ACAD8: variants seen among roughly 807,000 people sequenced by gnomAD.
The protein encoded by ACAD8 is acyl-CoA dehydrogenase family member 8.
Under a neutral mutation model 53.1 loss-of-function variants are expected in ACAD8, and 47 were observed. The ratio of observed to expected loss-of-function variants is 0.89; its 90% CI spans 0.70 to 1.13. The LOEUF is 1.13. ACAD8 is among the 50% of genes most tolerant of loss of function. The pLI is 0.00. For missense variants in ACAD8, 494 were observed against 535.0 expected (o/e 0.92, Z 0.76); for synonymous variants, 198 against 201.3 (o/e 0.98, Z 0.14).
rs1455561083 is a variant in ACAD8, at chr11:134,257,026, C to T, written c.211-62C>T. 6 of 1,573,778 alleles carry T rather than the reference C, an allele frequency of 3.8e-6. No individual in the cohort carries two copies. The African/African-American group carries it at 5.4e-5, about 14-fold the overall frequency. ...CAAGCCTCCTAATCCCTCACTGTGC[C>T]CTCTAAAAGGAAGGCCGTCTCTGAA... On this transcript the variant is annotated intron_variant, in intron 2 of 10. Coordinates refer to ENST00000281182, the MANE Select transcript of ACAD8 (RefSeq NM_014384.3).
rs367586207 is a variant in ACAD8 at position 134,261,234 on chromosome 11, T to C, written c.842-41T>C. ...TAGCGGTCCGGGACAGGCACTGCTGTTTTCCAGCTTGGTTGGAACGTCGGC... is the reference window on the plus strand; with the variant it reads ...TAGCGGTCCGGGACAGGCACTGCTGCTTTCCAGCTTGGTTGGAACGTCGGC... On this transcript the variant is annotated intron_variant, in intron 7 of 10. Coordinates refer to ENST00000281182, the MANE Select transcript of ACAD8 (RefSeq NM_014384.3). The surrounding 1 kb of genome is among the most constrained non-coding windows in gnomAD (Gnocchi z 4.2). 4 of 1,614,046 alleles carry C rather than the reference T, an allele frequency of 2.5e-6. No individual in the cohort carries two copies. The highest frequency in any genetic ancestry group is 3.4e-6 in the Non-Finnish European group (4 of 1,179,996).
intron 1 of ACAD8, among the ~76,000 whole-genome samples, chr11:134,255,434 C>G (rs1190340939): frequency 1.3e-5 from 2 of 152,238 alleles, no homozygotes; most frequent in Non-Finnish European, 2.9e-5. Flanking sequence ...CTGCGCCTGG[C>G]TGGATCATAT....
At chr11:134,260,452 G>A (rs959232274) in intron 6 of ACAD8, 4 of 181,308 alleles carry the variant, frequency 2.2e-5, no homozygotes, top group Admixed American at 1.1e-4. Context: ...ACAGCTCCTC[G>A]GGTTTCTGTA....
chr11:134,261,148 G>A lies in ACAD8; in HGVS notation c.810G>A (p.Val270=). Residue 270 remains valine (V), a synonymous_variant, in exon 7 of 11, where the codon GTG becomes GTA. Transcript: ENST00000281182. This position sits in a 1 kb window ranked among gnomAD's most constrained non-coding sequence, Gnocchi z 4.2. ...GSEGQGFLIA[V]RGLNGGRINI... is the part of the protein sequence containing the mutation. ...AGGGGCAGGGCTTCCTCATTGCCGT[G>A]AGAGGACTGAACGGAGGGAGGATCA... The A allele has an allele frequency of 1.2e-6, 2 of 1,612,782 alleles. No individual in the cohort carries two copies. Among genetic ancestry groups the A allele is most frequent in the Non-Finnish European group, 8.5e-7 (1 of 1,179,540 alleles).
Position 134,257,135 on chromosome 11 carries a change from C to T in ACAD8, c.258C>T (p.Phe86=), listed in dbSNP as rs780073868. 46 of 1,614,122 alleles carry T rather than the reference C, an allele frequency of 2.8e-5. No individual in the cohort carries two copies. Among genetic ancestry groups the T allele is most frequent in the Middle Eastern group, 3.3e-4 (2 of 6,062 alleles). ...TGCGGAAGGCAGCCCAGCTAGGCTT[C>T]GGAGGGGTCTACATACAAACAGATG... ...DVMRKAAQLG[F]GGVYIQTDVG... Residue 86 remains phenylalanine (F), a synonymous_variant, in exon 3 of 11, where the codon TTC becomes TTT. Coordinates refer to ENST00000281182, the MANE Select transcript of ACAD8 (RefSeq NM_014384.3).
intron 3 of ACAD8, chr11:134,258,275 T>C: frequency 1.7e-6 from 1 of 571,598 alleles, no homozygotes; most frequent in East Asian, 3.0e-5. Context: ...CTAGAAGTAG[T>C]ACAAACGTGC....
chr11:134,253,571 C>T lies in ACAD8; in HGVS notation c.-30C>T. 1 of 1,553,456 alleles carries T rather than the reference C, an allele frequency of 6.4e-7. No homozygotes were observed. Among genetic ancestry groups the T allele is most frequent in the Non-Finnish European group, 8.7e-7 (1 of 1,151,568 alleles). On this transcript the variant is annotated 5_prime_UTR_variant, in exon 1 of 11. Transcript: ENST00000281182. ...GCAACGGAGGTCGAAGGCGTTCAGA[C>T]TCTTAGCTGAACGCGGAGCTGCGGC...
chr11:134,263,103 T>A (rs1229173091), intron 10 of ACAD8: 35 of 1,145,026 alleles, frequency 3.1e-5, no homozygotes, highest in Non-Finnish European at 3.5e-5. Flanking sequence ...CATCACTATA[T>A]GGGTATCTTC....
chr11:134,258,071 C>A (rs1939649943), intron 3 of ACAD8: 1 of 253,358 alleles, frequency 3.9e-6, no homozygotes, highest in Non-Finnish European at 7.8e-6. Flanking sequence ...AGGCTGGTCT[C>A]AAACTCCTGA....
At position 134,256,622 on chromosome 11, in the gene ACAD8, C is replaced by G; in HGVS notation, c.184C>G (p.Pro62Ala). 6.2e-7 allele frequency: 1 copy of G among 1,614,148 alleles called. No individual in the cohort carries two copies. Among genetic ancestry groups the G allele is most frequent in the Middle Eastern group, 1.6e-4 (1 of 6,062 alleles). Residue 62 changes from proline to alanine, a missense_variant, in exon 2 of 11, where the codon CCA (proline) becomes GCA (alanine). Transcript: ENST00000281182. Reference sequence around the variant, plus strand: ...TGACTTTGCTGCCCGAGAGATGGCTCCAAATATGGCAGAGTGGGACCAGAA... The same window carrying G: ...TGACTTTGCTGCCCGAGAGATGGCTGCAAATATGGCAGAGTGGGACCAGAA... Reference protein sequence around the residue: ...AFDFAAREMAPNMAEWDQKEL... With the variant: ...AFDFAAREMAANMAEWDQKEL...
chr11:134,259,277 G>A (rs148617684), intron 5 of ACAD8, 193 bp downstream of exon 5: 8 of 713,236 alleles, frequency 1.1e-5, no homozygotes, highest in African/African-American at 8.7e-5. Flanking sequence ...AGATCATTTC[G>A]TTGACTTTTG....
At chr11:134,263,615 G>A (rs986426847) in intron 10 of ACAD8, 10 of 985,332 alleles carry the variant, frequency 1.0e-5, no homozygotes, top group African/African-American at 7.0e-5. Flanking sequence ...GGGCTCAGTC[G>A]CCAGTGTTCA....
At chr11:134,257,550 G>A (rs1027491306) in intron 3 of ACAD8, among the ~76,000 whole-genome samples, 3 of 152,070 alleles carry the variant, frequency 2.0e-5, no homozygotes, top group Non-Finnish European at 4.4e-5. Flanking sequence ...GCTGGCGCCT[G>A]TAGTCCCAGC....
intron 1 of ACAD8, among the ~76,000 whole-genome samples, chr11:134,255,620 G>A (rs7941201): frequency 0.37 from 56,587 of 152,060 alleles, 10,779 homozygotes; most frequent in African/African-American, 0.46. Context: ...TGTTCCTGAG[G>A]GTAATACCCA....
intron 3 of ACAD8, among the ~76,000 whole-genome samples, chr11:134,257,549 T>G (rs1482999968): frequency 6.6e-6 from 1 of 151,930 alleles, no homozygotes. Context: ...GGCTGGCGCC[T>G]GTAGTCCCAG....
rs2136082301 is a variant in ACAD8, at chr11:134,261,120, G to A, written c.782G>A (p.Ser261Asn). ...GTCCCTGTGGCCAACAGAATTGGGA[G>A]CGAGGGGCAGGGCTTCCTCATTGCC... ...CAVPVANRIG[S>N]EGQGFLIAVR... The change falls in exon 7 of 11, where the codon AGC becomes AAC. Residue 261 changes from serine to asparagine, a missense_variant. By Grantham distance (46) the Ser-to-Asn change is conservative. Transcript: ENST00000281182. The surrounding 1 kb of genome is among the most constrained non-coding windows in gnomAD (Gnocchi z 4.2). 6.2e-7 allele frequency: 1 copy of A among 1,611,834 alleles called. No individual in the cohort carries two copies.
intron 4 of ACAD8, 114 bp from the exon 5 acceptor site, chr11:134,258,894 A>G (rs1277502572): frequency 1.0e-6 from 1 of 986,622 alleles, no homozygotes; most frequent in African/African-American, 1.6e-5. Context: ...GCAGTGACAC[A>G]CTCTGAGCAG....
intron 3 of ACAD8, 84 bp from the exon 4 acceptor site, chr11:134,258,431 G>A: frequency 2.2e-6 from 2 of 927,234 alleles, no homozygotes; most frequent in Non-Finnish European, 3.4e-6. Flanking sequence ...CCTGCCCTTT[G>A]TTCTCTTTCC....
intron 1 of ACAD8, among the ~76,000 whole-genome samples, chr11:134,254,191 G>C (rs937564836): frequency 6.6e-6 from 1 of 152,212 alleles, no homozygotes; most frequent in Non-Finnish European, 1.5e-5. Context: ...AAAGCAGTGA[G>C]AATATAAGAA....
Sources: gnomAD v4.1 joint callset for allele counts (sites outside exome capture counted in the v4.1 genomes callset) on GRCh38, gnomAD v4.1.1 for gene constraint, Gnocchi (gnomAD v3.1) non-coding constraint, MANE v1.5 for transcripts, NCBI Gene and HGNC (gene_info 2026-07-23, HGNC 2026-07-21) for gene names.